The following NFAT5 variants were observed in gnomAD, a reference collection of about 807,000 sequenced individuals.
NFAT5 encodes nuclear factor of activated T cells 5, also known as nuclear factor of activated T-cells 5.
Under a neutral mutation model 166.5 loss-of-function variants are expected in NFAT5, and 31 were observed. That is an observed-to-expected ratio of 0.19 (90% CI 0.14 to 0.25). The LOEUF (loss-of-function observed/expected upper bound fraction) is 0.25. Ranked by LOEUF, NFAT5 falls within the 10% of genes least tolerant of loss-of-function variation. The probability of loss-of-function intolerance (pLI) is 1.00; values close to 1 mark genes in which losing one functional copy is unlikely to be tolerated. For missense variants in NFAT5, 1,449 were observed against 1,821.8 expected, an observed-to-expected ratio of 0.80 and a Z score of 3.72; for synonymous variants, 612 against 639.7, an observed-to-expected ratio of 0.96 and a Z score of 0.65.
chr16:69,614,105 A>G (rs1472344834), intron 2 of NFAT5, among the ~76,000 whole-genome samples: 1 of 152,042 alleles, frequency 6.6e-6, no homozygotes, highest in Non-Finnish European at 1.5e-5. Flanking sequence ...GAGAGGGAGA[A>G]CAAGGTAGAT....
intron 12 of NFAT5, 125 bp downstream of exon 12, chr16:69,691,213 CT>C: frequency 1.2e-6 from 1 of 815,456 alleles, no homozygotes; most frequent in Non-Finnish European, 1.7e-6. Flanking sequence ...AGAGGGAATG[CT>C]TTATACTTCA....
At chr16:69,661,019 AG>A (rs1263785800) in intron 7 of NFAT5, among the ~76,000 whole-genome samples, 1 of 150,676 alleles carries the variant, frequency 6.6e-6, no homozygotes, top group Non-Finnish European at 1.5e-5. Context: ...CCTGTTGGCC[AG>A]GCTGGTCTTG....
intron 2 of NFAT5, among the ~76,000 whole-genome samples, chr16:69,617,954 CG>C (rs150995945): frequency 0.089 from 13,579 of 151,866 alleles, 820 homozygotes; most frequent in Non-Finnish European, 0.12. Context: ...GTCGGGAGTT[CG>C]AGACCACCCT....
At chr16:69,660,503 T>C (rs889220532) in intron 7 of NFAT5, among the ~76,000 whole-genome samples, 1 of 152,234 alleles carries the variant, frequency 6.6e-6, no homozygotes, top group Non-Finnish European at 1.5e-5. Context: ...GCATCTTCAC[T>C]GTGTGGTAAA....
In NFAT5 at chr16:69,703,422, A is replaced by C. The variant is rs1461543551; in HGVS notation, c.*7071A>C. 1 of 152,640 alleles carries C rather than the reference A, an allele frequency of 6.6e-6. No homozygotes were observed. Among genetic ancestry groups the C allele is most frequent in the Non-Finnish European group, 1.5e-5 (1 of 68,024 alleles). 9.5% of individuals were successfully genotyped at this position (152,640 alleles called of 1,614,324 possible). A position where few individuals can be genotyped will look rare whatever the true frequency, so the allele number is the denominator to read the frequency against. On this transcript the variant is annotated 3_prime_UTR_variant, in exon 15 of 15. Coordinates refer to ENST00000349945, the MANE Select transcript of NFAT5 (RefSeq NM_138713.4). ...ACAATTTGGGCATTTCTCGTTTCTC[A>C]AGTGTATGCATCATGGTAAATATAA...
Position 69,703,954 on chromosome 16 carries a change from T to C in NFAT5, c.*7603T>C, listed in dbSNP as rs1023782379. The C allele has an allele frequency of 2.6e-5, 4 of 152,508 alleles. No individual in the cohort carries two copies. Among genetic ancestry groups the C allele is most frequent in the Non-Finnish European group, 5.9e-5 (4 of 68,042 alleles). 9.4% of individuals were successfully genotyped at this position (152,508 alleles called of 1,614,324 possible). On this transcript the variant is annotated 3_prime_UTR_variant, in exon 15 of 15. Coordinates refer to ENST00000349945, the MANE Select transcript of NFAT5 (RefSeq NM_138713.4). Reference sequence around the variant, plus strand: ...GAAGTCATTTGCCTGGTTTGAAATATTTTGTAGGGATTGCTTATTATATTA... The same window carrying C: ...GAAGTCATTTGCCTGGTTTGAAATACTTTGTAGGGATTGCTTATTATATTA...
chr16:69,681,402 C>T (rs28514573), intron 10 of NFAT5, among the ~76,000 whole-genome samples: 4 of 151,976 alleles, frequency 2.6e-5, no homozygotes, highest in Non-Finnish European at 5.9e-5. Flanking sequence ...ACCAAAATAC[C>T]CTCATAACAA....
At chr16:69,637,942 T>G (rs1460610155) in intron 3 of NFAT5, among the ~76,000 whole-genome samples, 1 of 152,074 alleles carries the variant, frequency 6.6e-6, no homozygotes, top group Non-Finnish European at 1.5e-5. Flanking sequence ...TGGTAGAGGC[T>G]GGGCACGGTG....
chr16:69,624,743 GCTAC>G (rs1228313191), intron 2 of NFAT5, among the ~76,000 whole-genome samples: 1 of 151,984 alleles, frequency 6.6e-6, no homozygotes, highest in Non-Finnish European at 1.5e-5. Flanking sequence ...GTCTTATGGT[GCTAC>G]CTTTGTATTT....
At position 69,653,259 on chromosome 16, in the gene NFAT5, C is replaced by T. The variant is rs755193058; in HGVS notation, c.836C>T (p.Thr279Ile). The T allele has an allele frequency of 6.3e-7, 1 of 1,583,330 alleles. No individual in the cohort carries two copies. Among genetic ancestry groups the T allele is most frequent in the South Asian group, 1.2e-5 (1 of 84,968 alleles). The change falls in exon 5 of 15, where the codon ACT becomes ATT. Residue 279 changes from threonine to isoleucine, a missense_variant. Thr to Ile is a moderately conservative substitution (Grantham distance 89, BLOSUM62 -1). Transcript: ENST00000349945. ...AGAACATTGGAAAACCAAAAAGGAA[C>T]TGGAGTAAAGAAGAGCCCTATGTTG... ...GNGTLENQKGTGVKKSPMLCG... is the reference protein window; with the variant it reads ...GNGTLENQKGIGVKKSPMLCG...
chr16:69,635,023 G>GTTTTTTTTTTTTT (rs530661389), intron 3 of NFAT5, among the ~76,000 whole-genome samples: 8 of 105,268 alleles, frequency 7.6e-5, no homozygotes, highest in Non-Finnish European at 9.0e-5. Flanking sequence ...TGTTAGTAAA[G>GTTTTTTTTTTTTT]TTTTTTTTTT....
chr16:69,636,881 C>T (rs2034991445), intron 3 of NFAT5, among the ~76,000 whole-genome samples: 1 of 152,234 alleles, frequency 6.6e-6, no homozygotes, highest in South Asian at 2.1e-4. Flanking sequence ...CATTAGGCTT[C>T]TTGCTACTTA....
chr16:69,682,600 C>T (rs1297636516), intron 10 of NFAT5, among the ~76,000 whole-genome samples: 4 of 152,212 alleles, frequency 2.6e-5, no homozygotes, highest in African/African-American at 9.6e-5. Context: ...GCCTGGACAA[C>T]AGAGCAAGAC....
At chr16:69,668,285 G>A (rs575974557) in intron 7 of NFAT5, among the ~76,000 whole-genome samples, 68 of 152,298 alleles carry the variant, frequency 4.5e-4, no homozygotes, top group Non-Finnish European at 7.3e-4. Context: ...ACCTCACCCG[G>A]CCAGTGTATT....
rs2016008195 is a variant in NFAT5, at chr16:69,566,047, C to CCCCCCTT, written c.-251_-250insCTTCCCC. ...AACACGAAACGGACCCTTTGGCTCT[C>CCCCCCTT]CCCCTTCCCCTTCCCCGTCCTGAAC... is the stretch of plus-strand genomic sequence containing the variant. On this transcript the variant is annotated 5_prime_UTR_variant, in exon 1 of 15. Transcript: ENST00000349945. The surrounding 1 kb of genome is among the most constrained non-coding windows in gnomAD (Gnocchi z 5.7). 2 of 416,044 alleles carry CCCCCCTT rather than the reference C, an allele frequency of 4.8e-6. No individual in the cohort carries two copies. The highest frequency in any genetic ancestry group is 3.5e-5 in the African/African-American group (1 of 28,840). The allele number at this position is 416,044 out of a possible 1,614,324, so 25.8% of individuals were successfully genotyped here.
chr16:69,675,890 C>T (rs1174404295), intron 9 of NFAT5, among the ~76,000 whole-genome samples: 5 of 152,190 alleles, frequency 3.3e-5, no homozygotes, highest in African/African-American at 1.2e-4. Flanking sequence ...ATCTGCCCAC[C>T]TCGGCCTCCC....
chr16:69,634,895 C>T (rs1373570191), intron 3 of NFAT5, among the ~76,000 whole-genome samples: 5 of 152,016 alleles, frequency 3.3e-5, no homozygotes, highest in Non-Finnish European at 5.9e-5. Flanking sequence ...GACAATAATA[C>T]CAACTTCTTC....
intron 2 of NFAT5, among the ~76,000 whole-genome samples, chr16:69,625,761 A>G (rs754438703): frequency 6.6e-6 from 1 of 152,046 alleles, no homozygotes; most frequent in Non-Finnish European, 1.5e-5. Context: ...TACTATTGCA[A>G]AGGAAGATAC....
intron 2 of NFAT5, among the ~76,000 whole-genome samples, chr16:69,622,834 A>G (rs1268591068): frequency 0.046 from 11 of 238 alleles, no homozygotes; most frequent in African/African-American, 0.081. Context: ...TTGTTTGGGA[A>G]AAAAAAAAAA....
Sources: gnomAD v4.1 joint callset for allele counts (sites outside exome capture counted in the v4.1 genomes callset) on GRCh38, gnomAD v4.1.1 for gene constraint, Gnocchi (gnomAD v3.1) non-coding constraint, MANE v1.5 for transcripts, NCBI Gene and HGNC (gene_info 2026-07-23, HGNC 2026-07-21) for gene names.